SORCS1: variants seen among roughly 807,000 people sequenced by gnomAD.
The protein encoded by SORCS1 is sortilin related VPS10 domain containing receptor 1.
Under a neutral mutation model 146.1 loss-of-function variants are expected in SORCS1, and 60 were observed. The ratio of observed to expected loss-of-function variants is 0.41; its 90% CI spans 0.33 to 0.51. The LOEUF is 0.51. Among genes scored for constraint, SORCS1 ranks in the 20% least tolerant of loss-of-function variants. The pLI, the probability that SORCS1 is intolerant of heterozygous loss-of-function variation, is 0.21. For synonymous variants in SORCS1, 637 were observed against 584.0 expected (o/e 1.09, Z -1.31); for missense variants, 1,352 against 1,487.6 (o/e 0.91, Z 1.50).
intron 6 of SORCS1, among the ~76,000 whole-genome samples, chr10:106,713,694 G>A (rs905773376): frequency 1.3e-5 from 2 of 152,180 alleles, no homozygotes; most frequent in Non-Finnish European, 2.9e-5. Context: ...CTAAAAAATA[G>A]TGATGTGTAG....
chr10:106,732,723 T>C (rs978444495), intron 5 of SORCS1, among the ~76,000 whole-genome samples: 1 of 152,098 alleles, frequency 6.6e-6, no homozygotes, highest in Non-Finnish European at 1.5e-5. Flanking sequence ...CATGTGCGTA[T>C]AGTCTCAAAT....
intron 1 of SORCS1, among the ~76,000 whole-genome samples, chr10:106,968,333 G>A (rs1197644492): frequency 6.6e-6 from 1 of 152,256 alleles, no homozygotes; most frequent in Non-Finnish European, 1.5e-5. Flanking sequence ...GTGATGATCT[G>A]AGAAAGACAG....
At chr10:106,886,917 A>G (rs1419469090) in intron 2 of SORCS1, among the ~76,000 whole-genome samples, 2 of 152,346 alleles carry the variant, frequency 1.3e-5, no homozygotes, top group East Asian at 3.9e-4. Context: ...GCCCAGGACT[A>G]TGCCAGGCAC....
intron 19 of SORCS1, among the ~76,000 whole-genome samples, chr10:106,625,373 A>G (rs564953044): frequency 9.8e-4 from 149 of 152,332 alleles, no homozygotes; most frequent in Middle Eastern, 3.4e-3. Flanking sequence ...AGAAATAAGA[A>G]TGATTCAAAC....
At position 106,688,120 on chromosome 10, in the gene SORCS1, C is replaced by T. The variant is rs971616996; in HGVS notation, c.1560+72G>A. On this transcript the variant is annotated intron_variant, in intron 10 of 25. Transcript: ENST00000263054. Reference sequence around the variant, plus strand: ...ACTGAGCAAAAGTCCCAGAACTATCCTCACCCTCTGTTAAATATCCATTTC... The same window carrying T: ...ACTGAGCAAAAGTCCCAGAACTATCTTCACCCTCTGTTAAATATCCATTTC... The T allele has an allele frequency of 1.3e-5, 20 of 1,556,672 alleles. No homozygotes were observed. In the African/African-American group the frequency reaches 1.5e-4, roughly 12 times the overall value.
chr10:106,810,723 G>C (rs1486289048), intron 3 of SORCS1, among the ~76,000 whole-genome samples: 1 of 152,206 alleles, frequency 6.6e-6, no homozygotes, highest in Non-Finnish European at 1.5e-5. Flanking sequence ...AAGTGGAAGA[G>C]CAGAGGGGAA....
chr10:106,922,811 T>A (rs1952778635), intron 2 of SORCS1, among the ~76,000 whole-genome samples: 1 of 152,146 alleles, frequency 6.6e-6, no homozygotes, highest in African/African-American at 2.4e-5. Flanking sequence ...TATAGAATAG[T>A]TTCGCTACCC....
chr10:107,162,889 A>C (rs934176031), intron 1 of SORCS1, among the ~76,000 whole-genome samples: 1 of 152,010 alleles, frequency 6.6e-6, no homozygotes, highest in African/African-American at 2.4e-5. Context: ...AAAACTTGAA[A>C]TTTTTTTCCC....
chr10:106,624,346 ATTTTTTTTTTTTTTTTT>A (rs57785797), intron 19 of SORCS1, among the ~76,000 whole-genome samples: 2 of 69,446 alleles, frequency 2.9e-5, no homozygotes, highest in African/African-American at 6.4e-5. Context: ...GTCAATGACG[ATTTTTTTTTTTTTTTTT>A]TTTTTTTTTT....
At chr10:107,137,623 G>A (rs1967429429) in intron 1 of SORCS1, among the ~76,000 whole-genome samples, 3 of 152,158 alleles carry the variant, frequency 2.0e-5, no homozygotes, top group African/African-American at 7.2e-5. Context: ...AACACTTTGC[G>A]AGGTTGAGGC....
At chr10:106,745,966 G>A (rs1857707966) in intron 5 of SORCS1, among the ~76,000 whole-genome samples, 1 of 152,100 alleles carries the variant, frequency 6.6e-6, no homozygotes, top group Admixed American at 6.5e-5. Flanking sequence ...GTAATCATGA[G>A]AAAATATCAG....
rs1478404790 is a variant in SORCS1 at position 106,577,259 on chromosome 10, G to C, written c.*161C>G. The C allele has an allele frequency of 6.2e-7, 1 of 1,601,398 alleles. No homozygotes were observed. Among genetic ancestry groups the C allele is most frequent in the East Asian group, 2.3e-5 (1 of 44,096 alleles). ...TAGGTAGGGATTTCTTTTGTGCTTT[G>C]ATTCTCAGCAACTATGGAAATACTT... is the stretch of plus-strand genomic sequence containing the variant. On this transcript the variant is annotated 3_prime_UTR_variant, in exon 26 of 26. Coordinates refer to ENST00000263054, the MANE Select transcript of SORCS1 (RefSeq NM_052918.5).
At chr10:106,770,430 C>T (rs1859930219) in intron 4 of SORCS1, among the ~76,000 whole-genome samples, 1 of 151,754 alleles carries the variant, frequency 6.6e-6, no homozygotes, top group South Asian at 2.1e-4. Flanking sequence ...GTTTTATTCT[C>T]CCTCGACAAA....
intron 17 of SORCS1, chr10:106,667,456 T>C (rs1226477389): frequency 4.1e-6 from 2 of 488,048 alleles, no homozygotes; most frequent in Non-Finnish European, 7.3e-6. Context: ...ATCATTGTGA[T>C]CTTCAATCAA....
At chr10:106,834,619 A>G (rs936885944) in intron 2 of SORCS1, among the ~76,000 whole-genome samples, 5 of 152,178 alleles carry the variant, frequency 3.3e-5, no homozygotes, top group African/African-American at 9.7e-5. Flanking sequence ...TTAAATGAAA[A>G]TTGCAAACAG....
At chr10:106,991,400 T>C (rs570056022) in intron 1 of SORCS1, among the ~76,000 whole-genome samples, 1 of 152,164 alleles carries the variant, frequency 6.6e-6, no homozygotes, top group Non-Finnish European at 1.5e-5. Context: ...CATAAAACAA[T>C]GAGAGCACTT....
intron 18 of SORCS1, among the ~76,000 whole-genome samples, chr10:106,649,772 T>C (rs1263825729): frequency 6.6e-6 from 1 of 152,192 alleles, no homozygotes; most frequent in Non-Finnish European, 1.5e-5. Context: ...CATTTTCCAT[T>C]TGTCTCTTAC....
intron 19 of SORCS1, among the ~76,000 whole-genome samples, chr10:106,622,872 A>G (rs1847843447): frequency 6.6e-6 from 1 of 152,200 alleles, no homozygotes; most frequent in South Asian, 2.1e-4. Flanking sequence ...AGTGTTTGAA[A>G]GAACCTTTCC....
At chr10:107,090,643 C>G (rs1289006547) in intron 1 of SORCS1, among the ~76,000 whole-genome samples, 3 of 152,096 alleles carry the variant, frequency 2.0e-5, no homozygotes, top group African/African-American at 7.2e-5. Context: ...CAGAACCTTC[C>G]AACACTAAGC....
Sources: gnomAD v4.1 joint callset for allele counts (sites outside exome capture counted in the v4.1 genomes callset) on GRCh38, gnomAD v4.1.1 for gene constraint, MANE v1.5 for transcripts, NCBI Gene and HGNC (gene_info 2026-07-23, HGNC 2026-07-21) for gene names.